EXOC4: variants seen among roughly 807,000 people sequenced by gnomAD.
EXOC4 encodes the protein SEC8-like 1.
Under a neutral mutation model 107.2 loss-of-function variants are expected in EXOC4, and 71 were observed. The ratio of observed to expected loss-of-function variants is 0.66; its 90% CI spans 0.55 to 0.81. The LOEUF is 0.81. Among genes scored for constraint, EXOC4 ranks in the 30% least tolerant of loss-of-function variants. The pLI, the probability that EXOC4 is intolerant of heterozygous loss-of-function variation, is 0.00. For synonymous variants in EXOC4, 456 were observed against 441.2 expected (o/e 1.03, Z -0.42); for missense variants, 1,108 against 1,189.6 (o/e 0.93, Z 1.01).
intron 17 of EXOC4, among the ~76,000 whole-genome samples, chr7:134,045,836 C>G (rs1483504431): frequency 6.6e-6 from 1 of 152,106 alleles, no homozygotes; most frequent in East Asian, 1.9e-4. Flanking sequence ...GTGGGTTTGC[C>G]TCTTCTGGAT....
chr7:133,985,624 C>T (rs182426314), intron 14 of EXOC4, among the ~76,000 whole-genome samples: 8 of 152,338 alleles, frequency 5.3e-5, no homozygotes, highest in Admixed American at 2.6e-4. Flanking sequence ...TCTTAACCTT[C>T]TCTTTGTTCT....
At chr7:134,021,047 A>C (rs901248217) in intron 17 of EXOC4, among the ~76,000 whole-genome samples, 34 of 151,952 alleles carry the variant, frequency 2.2e-4, no homozygotes, top group Non-Finnish European at 4.3e-4. Context: ...TGCAGATTGG[A>C]CTTGCCTAGA....
intron 17 of EXOC4, among the ~76,000 whole-genome samples, chr7:134,011,048 T>C (rs1794751452): frequency 6.6e-6 from 1 of 152,226 alleles, no homozygotes; most frequent in African/African-American, 2.4e-5. Flanking sequence ...TTAAGCTCTC[T>C]TACGGTTTTA....
At chr7:133,441,966 G>T (rs1314831040) in intron 7 of EXOC4, among the ~76,000 whole-genome samples, 1 of 152,166 alleles carries the variant, frequency 6.6e-6, no homozygotes, top group South Asian at 2.1e-4. Flanking sequence ...TGCTGGCTGG[G>T]TTCTCCTCCA....
chr7:133,470,861 G>A (rs557622512), intron 7 of EXOC4, among the ~76,000 whole-genome samples: 4 of 152,168 alleles, frequency 2.6e-5, no homozygotes, highest in African/African-American at 7.2e-5. Flanking sequence ...TTTTCTTCAC[G>A]CAAATGTTAA....
At chr7:134,049,953 A>T (rs1230131291) in intron 17 of EXOC4, among the ~76,000 whole-genome samples, 1 of 152,220 alleles carries the variant, frequency 6.6e-6, no homozygotes, top group Non-Finnish European at 1.5e-5. Flanking sequence ...GTACATCCAC[A>T]CAATTGAGTA....
chr7:133,605,201 A>T (rs1182840110), intron 9 of EXOC4, among the ~76,000 whole-genome samples: 1 of 152,238 alleles, frequency 6.6e-6, no homozygotes. Context: ...CTTAGTACAC[A>T]CTATTGTCAG....
Position 133,715,850 on chromosome 7 carries a change from G to A in EXOC4, c.1514+85709G>A, listed in dbSNP as rs148110268. On this transcript the variant is annotated intron_variant, in intron 10 of 17. Coordinates refer to ENST00000253861, the MANE Select transcript of EXOC4 (RefSeq NM_021807.4). ...TCATGAGTCTGTACTATAGACCCATGAGGCTGAGCAGTTTACTTCCCATGT... is the reference window on the plus strand; with the variant it reads ...TCATGAGTCTGTACTATAGACCCATAAGGCTGAGCAGTTTACTTCCCATGT... 3.0e-4 allele frequency among the ~76,000 whole-genome samples: 45 copies of A among 152,258 alleles called. 1 individual carries two copies. The highest frequency in any genetic ancestry group is 1.1e-3 in the African/African-American group (45 of 41,544).
At chr7:133,277,291 G>T (rs1248891394) in intron 2 of EXOC4, among the ~76,000 whole-genome samples, 1 of 152,170 alleles carries the variant, frequency 6.6e-6, no homozygotes, top group Non-Finnish European at 1.5e-5. Context: ...CTCAAGAGGG[G>T]TCAATGAATG....
intron 10 of EXOC4, among the ~76,000 whole-genome samples, chr7:133,709,550 C>T (rs188996277): frequency 2.5e-4 from 38 of 151,996 alleles, no homozygotes; most frequent in Non-Finnish European, 4.3e-4. Flanking sequence ...CCTCAGACTA[C>T]ATAGCTGGAA....
Position 133,508,609 on chromosome 7 carries a change from T to C in EXOC4, c.1417+28471T>C, listed in dbSNP as rs1799710053. On this transcript the variant is annotated intron_variant, in intron 9 of 17. Transcript: ENST00000253861. ...AACCTTACACCTTTTCCCTTGGACC[T>C]AGAGCAATTTGAAAAGAGACATTTC... Among the ~76,000 whole-genome samples, 2 of 152,168 alleles carry C rather than the reference T, an allele frequency of 1.3e-5. 1 individual carries two copies. Among genetic ancestry groups the C allele is most frequent in the South Asian group, 4.1e-4 (2 of 4,830 alleles).
chr7:134,073,844 C>T, the EXOC4 span, among the ~76,000 whole-genome samples: 1 of 152,146 alleles, frequency 6.6e-6, no homozygotes, highest in African/African-American at 2.4e-5. Flanking sequence ...GTCAGGAGAG[C>T]GGGGTGAGCA....
At chr7:133,864,906 A>T (rs977312579) in intron 11 of EXOC4, among the ~76,000 whole-genome samples, 5 of 152,132 alleles carry the variant, frequency 3.3e-5, no homozygotes, top group Admixed American at 3.3e-4. Context: ...ATTTCATGGG[A>T]TAGGGATGTT....
At chr7:133,297,943 A>G (rs1584789090) in intron 3 of EXOC4, among the ~76,000 whole-genome samples, 1 of 152,182 alleles carries the variant, frequency 6.6e-6, no homozygotes, top group South Asian at 2.1e-4. Flanking sequence ...TTTCAACCTC[A>G]CATACGACCT....
intron 11 of EXOC4, among the ~76,000 whole-genome samples, chr7:133,873,305 C>T (rs963565312): frequency 7.9e-5 from 12 of 152,304 alleles, no homozygotes; most frequent in African/African-American, 1.2e-4. Context: ...AACGGTCAAA[C>T]GTTGTTTTTC....
intron 10 of EXOC4, among the ~76,000 whole-genome samples, chr7:133,697,799 T>C (rs1009452994): frequency 1.3e-5 from 2 of 152,206 alleles, no homozygotes; most frequent in African/African-American, 4.8e-5. Context: ...ATAGGACCAC[T>C]GTTGAAGGCA....
chr7:133,625,790 G>A (rs1802439253), intron 9 of EXOC4, among the ~76,000 whole-genome samples: 1 of 151,978 alleles, frequency 6.6e-6, no homozygotes, highest in Non-Finnish European at 1.5e-5. Flanking sequence ...ATCATCATTC[G>A]ACATTTTCTC....
At chr7:134,099,582 T>G in the EXOC4 span, among the ~76,000 whole-genome samples, 1 of 143,024 alleles carries the variant, frequency 7.0e-6, no homozygotes, top group Admixed American at 7.7e-5. Context: ...CAGGCTGGAG[T>G]GCAGTGGCAC....
intron 17 of EXOC4, among the ~76,000 whole-genome samples, chr7:134,024,422 G>A (rs1035387657): frequency 6.6e-6 from 1 of 150,862 alleles, no homozygotes; most frequent in Non-Finnish European, 1.5e-5. Context: ...CTGCACTCTA[G>A]CCTGGGTTAC....
Sources: allele counts gnomAD v4.1 joint callset (sites outside exome capture counted in the v4.1 genomes callset), GRCh38; gene constraint gnomAD v4.1.1; transcripts MANE v1.5; gene names NCBI Gene and HGNC (gene_info 2026-07-23, HGNC 2026-07-21).